Variants in MID1 observed in about 807,000 individuals in gnomAD.
MID1 encodes the protein E3 ubiquitin-protein ligase Midline-1.
In MID1, 7 loss-of-function variants were observed where a neutral mutation model predicts 40.4. The ratio of observed to expected loss-of-function variants is 0.17; its 90% confidence interval spans 0.10 to 0.33. MID1 has a LOEUF of 0.33. Ranked by LOEUF, MID1 falls within the 10% of genes least tolerant of loss-of-function variation. The pLI is 1.00. For missense variants in MID1, 367 were observed against 558.5 expected, an observed-to-expected ratio of 0.66 and a Z score of 3.46; for synonymous variants, 229 against 221.2, an observed-to-expected ratio of 1.04 and a Z score of -0.31.
At chrX:10,585,901 C>T (rs750898916) in intron 1 of MID1, among the ~76,000 whole-genome samples, 5 of 111,688 alleles carry the variant, frequency 4.5e-5, no homozygotes, top group Admixed American at 2.8e-4. Context: ...GCACAGGCAT[C>T]GAATTTCAAG....
chrX:10,556,655 G>T (rs778003428), intron 2 of MID1, among the ~76,000 whole-genome samples: 2 of 112,109 alleles, frequency 1.8e-5, no homozygotes, highest in East Asian at 5.7e-4. Context: ...CACTTACTAT[G>T]TGCCAGTCAC....
intron 2 of MID1, among the ~76,000 whole-genome samples, chrX:10,524,795 G>A (rs1466667960): frequency 8.9e-6 from 1 of 112,238 alleles, no homozygotes. Flanking sequence ...TTGCAGCTGA[G>A]GCTTGAAGGA....
chrX:10,827,779 T>C (rs2147163714), intron 1 of MID1, among the ~76,000 whole-genome samples: 1 of 111,173 alleles, frequency 9.0e-6, no homozygotes, highest in Non-Finnish European at 1.9e-5. Flanking sequence ...AAGCTCTTTA[T>C]TTAAAAATGC....
At chrX:10,664,231 G>A (rs1036467266) in intron 1 of MID1, among the ~76,000 whole-genome samples, 122 of 110,547 alleles carry the variant, frequency 1.1e-3, no homozygotes, top group Middle Eastern at 4.6e-3. Flanking sequence ...GTGTGATCTC[G>A]GCTCACCACA....
intron 1 of MID1, among the ~76,000 whole-genome samples, chrX:10,613,212 A>T (rs1041568134): frequency 8.9e-6 from 1 of 111,779 alleles, no homozygotes; most frequent in Non-Finnish European, 1.9e-5. Flanking sequence ...GACATAGGAC[A>T]GATACCACAG....
At chrX:10,772,873 G>T (rs2147127782) in intron 1 of MID1, among the ~76,000 whole-genome samples, 1 of 109,950 alleles carries the variant, frequency 9.1e-6, no homozygotes, top group South Asian at 3.9e-4. Context: ...GACATGAGAG[G>T]TAAAATCATA....
At chrX:10,602,385 C>T (rs1348493334) in intron 1 of MID1, among the ~76,000 whole-genome samples, 1 of 109,938 alleles carries the variant, frequency 9.1e-6, no homozygotes, top group Non-Finnish European at 1.9e-5. Context: ...TTAGTATATT[C>T]AGAGTTTTGC....
chrX:10,482,104 TTAA>T (rs1318911489), intron 5 of MID1, among the ~76,000 whole-genome samples: 1 of 111,691 alleles, frequency 9.0e-6, no homozygotes, highest in Non-Finnish European at 1.9e-5. Flanking sequence ...AATATTCCCT[TTAA>T]TGTTTTTGCC....
chrX:10,770,590 C>G (rs1333897718), intron 1 of MID1, among the ~76,000 whole-genome samples: 1 of 91 alleles, frequency 0.011, no homozygotes, highest in Non-Finnish European at 0.02. Context: ...AGTTTTCTGA[C>G]TAAACTCATC....
chrX:10,833,666 G>C (rs970309334), upstream of MID1: 2 of 112,315 alleles, frequency 1.8e-5, no homozygotes, highest in Non-Finnish European at 3.8e-5. Context: ...CCGGCTCTTT[G>C]CCTCGGATCA....
At chrX:10,654,528 G>A (rs2042856496) in intron 1 of MID1, among the ~76,000 whole-genome samples, 1 of 111,611 alleles carries the variant, frequency 9.0e-6, no homozygotes, top group East Asian at 2.8e-4. Context: ...TAGATCCCTC[G>A]CATGCACGGT....
At chrX:10,505,686 G>T in intron 3 of MID1, 2 of 754,027 alleles carry the variant, frequency 2.7e-6, no homozygotes, top group Non-Finnish European at 3.1e-6. Flanking sequence ...TTAATGGAGT[G>T]CCAGGAAAGA....
intron 1 of MID1, among the ~76,000 whole-genome samples, chrX:10,762,170 A>T (rs1387233642): frequency 8.9e-6 from 1 of 112,376 alleles, no homozygotes; most frequent in Non-Finnish European, 1.9e-5. Flanking sequence ...ATTCAGTACA[A>T]TCTGTGAGAG....
chrX:10,707,596 T>C (rs1394120185), intron 1 of MID1, among the ~76,000 whole-genome samples: 1 of 112,406 alleles, frequency 8.9e-6, no homozygotes, highest in African/African-American at 3.2e-5. Context: ...TAATGAAAGA[T>C]ATATAACTTA....
chrX:10,478,535 A>G (rs1448137863), intron 5 of MID1, among the ~76,000 whole-genome samples: 1 of 112,065 alleles, frequency 8.9e-6, no homozygotes, highest in African/African-American at 3.2e-5. Flanking sequence ...TAATGGTAAA[A>G]ACAAGGTGGC....
intron 1 of MID1, among the ~76,000 whole-genome samples, chrX:10,833,383 T>C (rs1179809234): frequency 1.8e-5 from 2 of 112,099 alleles, no homozygotes; most frequent in Non-Finnish European, 3.8e-5. Context: ...ATTTTCGGTG[T>C]GCAAAACAGG....
intron 6 of MID1, among the ~76,000 whole-genome samples, chrX:10,471,119 G>T (rs1028693276): frequency 3.6e-5 from 4 of 111,477 alleles, no homozygotes; most frequent in Non-Finnish European, 7.5e-5. Flanking sequence ...TTGATCCAGG[G>T]CCTTTACTTC....
chrX:10,480,516 C>G (rs973892141), intron 5 of MID1, among the ~76,000 whole-genome samples: 1 of 112,316 alleles, frequency 8.9e-6, no homozygotes, highest in Non-Finnish European at 1.9e-5. Context: ...CTCCTGGATT[C>G]CGGTTGGAAA....
At chrX:10,572,414 G>T (rs945146635) in intron 1 of MID1, among the ~76,000 whole-genome samples, 2 of 109,730 alleles carry the variant, frequency 1.8e-5, no homozygotes, top group African/African-American at 6.7e-5. Flanking sequence ...AGCTGGGTGT[G>T]GTGGCGTGCG....
Sources: gnomAD v4.1 joint callset for allele counts (sites outside exome capture counted in the v4.1 genomes callset) on GRCh38, gnomAD v4.1.1 for gene constraint, MANE v1.5 for transcripts, NCBI Gene and HGNC (gene_info 2026-07-23, HGNC 2026-07-21) for gene names.